Variants in LYPD6B observed in about 807,000 individuals in gnomAD.
LYPD6B encodes the protein LY6/PLAUR domain containing 6B.
LYPD6B carries 17 observed loss-of-function variants against 22.8 expected under a neutral mutation model. The observed-to-expected ratio is 0.75, with a 90% CI of 0.51 to 1.12. The LOEUF is 1.12. LYPD6B is among the 50% of genes most tolerant of loss of function. LYPD6B has a pLI of 0.00. For synonymous variants in LYPD6B, 106 were observed against 91.6 expected (o/e 1.16, Z -0.90); for missense variants, 221 against 258.3 (o/e 0.86, Z 0.99).
At chr2:149,068,502 T>TATA (rs1281795249) in intron 1 of LYPD6B, 1 of 249,906 alleles carries the variant, frequency 4.0e-6, no homozygotes, top group Admixed American at 4.7e-5. Flanking sequence ...GGCAGTTGGG[T>TATA]ATATAGTCTC....
intron 1 of LYPD6B, among the ~76,000 whole-genome samples, chr2:149,115,301 A>G (rs1010868360): frequency 1.3e-5 from 2 of 152,178 alleles, no homozygotes; most frequent in African/African-American, 4.8e-5. Context: ...TGATGCTTCA[A>G]TTGCCACATC....
intron 2 of LYPD6B, among the ~76,000 whole-genome samples, chr2:149,140,017 G>GT: frequency 6.6e-6 from 1 of 152,246 alleles, no homozygotes; most frequent in East Asian, 1.9e-4. Context: ...TTGTTGTTGT[G>GT]TGGGGGTGGA....
chr2:149,055,761 A>T, intron 1 of LYPD6B, among the ~76,000 whole-genome samples: 1 of 152,158 alleles, frequency 6.6e-6, no homozygotes, highest in East Asian at 1.9e-4. Flanking sequence ...TAACTCTAAC[A>T]GTTTGCTGGT....
chr2:149,085,943 CAAG>C (rs1344440738), intron 1 of LYPD6B, among the ~76,000 whole-genome samples: 6 of 152,194 alleles, frequency 3.9e-5, no homozygotes, highest in South Asian at 4.1e-4. Context: ...GGATTACCTG[CAAG>C]AAGAAGTTAG....
chr2:149,141,885 G>C (rs75717792), intron 2 of LYPD6B, among the ~76,000 whole-genome samples: 1 of 152,206 alleles, frequency 6.6e-6, no homozygotes, highest in Non-Finnish European at 1.5e-5. Context: ...CTGGTGGCTT[G>C]CTTGCAGTCT....
intron 2 of LYPD6B, among the ~76,000 whole-genome samples, chr2:149,147,093 C>G (rs1188687311): frequency 1.3e-5 from 2 of 152,142 alleles, no homozygotes. Flanking sequence ...CTCAGCGGTT[C>G]CCAGAGCGTT....
intron 1 of LYPD6B, among the ~76,000 whole-genome samples, chr2:149,113,949 A>G (rs1194540864): frequency 6.6e-6 from 1 of 152,180 alleles, no homozygotes; most frequent in Non-Finnish European, 1.5e-5. Flanking sequence ...CATTTCTAAG[A>G]TGGAATATTA....
rs1694094935 is a variant in LYPD6B at position 149,214,864 on chromosome 2, T to C, written c.*154T>C. 2 of 788,698 alleles carry C rather than the reference T, an allele frequency of 2.5e-6. No homozygotes were observed. Among genetic ancestry groups the C allele is most frequent in the Non-Finnish European group, 4.2e-6 (2 of 477,326 alleles). 48.9% of individuals were successfully genotyped at this position (788,698 alleles called of 1,614,324 possible). A position where few individuals can be genotyped will look rare whatever the true frequency, so the allele number is the denominator to read the frequency against. The stretch of plus-strand genomic sequence containing the variant: ...AAGCCAGTGGTTTGCTTGGATAAAA[T>C]GTTCCCGCATGAGGCCACAGGACTG... On this transcript the variant is annotated 3_prime_UTR_variant, in exon 7 of 7. Transcript: ENST00000409642.
At chr2:149,212,140 G>A (rs572755416) in intron 5 of LYPD6B, among the ~76,000 whole-genome samples, 73 of 152,060 alleles carry the variant, frequency 4.8e-4, no homozygotes, top group Non-Finnish European at 8.4e-4. Context: ...CACTTTGGGA[G>A]GCCGAGGCGG....
chr2:149,153,788 A>G (rs1482910515), intron 2 of LYPD6B, among the ~76,000 whole-genome samples: 3 of 152,076 alleles, frequency 2.0e-5, no homozygotes, highest in Non-Finnish European at 4.4e-5. Flanking sequence ...GAAAAAAAAA[A>G]AAGAAGAAGT....
intron 3 of LYPD6B, among the ~76,000 whole-genome samples, chr2:149,175,061 C>CTCTCTCTGTGTG (rs1454802925): frequency 0.014 from 1,594 of 112,774 alleles, 28 homozygotes; most frequent in East Asian, 0.023. Context: ...CTCTCTCTCT[C>CTCTCTCTGTGTG]TGTGTGTGTG....
At chr2:149,197,461 G>A (rs946596849) in intron 3 of LYPD6B, among the ~76,000 whole-genome samples, 8 of 152,190 alleles carry the variant, frequency 5.3e-5, no homozygotes, top group South Asian at 2.1e-4. Flanking sequence ...GCAGTGAGCC[G>A]AGATCGCACC....
At chr2:149,188,244 C>T (rs1454105081) in intron 3 of LYPD6B, among the ~76,000 whole-genome samples, 1 of 152,054 alleles carries the variant, frequency 6.6e-6, no homozygotes. Context: ...AATTTAATAT[C>T]CCCCCTGTGA....
At chr2:149,040,700 A>T (rs547154051) in intron 1 of LYPD6B, among the ~76,000 whole-genome samples, 1 of 152,196 alleles carries the variant, frequency 6.6e-6, no homozygotes, top group African/African-American at 2.4e-5. Flanking sequence ...GAAGTCTGAC[A>T]AAACAGGACA....
chr2:149,127,607 G>A (rs914772392), intron 1 of LYPD6B, among the ~76,000 whole-genome samples: 2 of 151,976 alleles, frequency 1.3e-5, no homozygotes, highest in African/African-American at 4.8e-5. Flanking sequence ...TTGTATATAT[G>A]TATGCATGTG....
At chr2:149,172,519 C>T (rs1690909653) in intron 3 of LYPD6B, among the ~76,000 whole-genome samples, 1 of 152,104 alleles carries the variant, frequency 6.6e-6, no homozygotes, top group Non-Finnish European at 1.5e-5. Context: ...GAGATTATGC[C>T]TTGTTCAGTG....
chr2:149,198,027 GCTTTTCTTTTTTTTTTTTT>G (rs1692927149), intron 3 of LYPD6B, among the ~76,000 whole-genome samples: 1 of 148,220 alleles, frequency 6.7e-6, no homozygotes, highest in Admixed American at 6.8e-5. Flanking sequence ...AAACATCTAA[GCTTTTCTTTTTTTTTTTTT>G]CTTTTCTTTT....
intron 3 of LYPD6B, among the ~76,000 whole-genome samples, chr2:149,191,459 C>T (rs957632398): frequency 6.6e-6 from 1 of 152,134 alleles, no homozygotes; most frequent in African/African-American, 2.4e-5. Flanking sequence ...CCCTGCTTCA[C>T]TAGATTATGT....
intron 2 of LYPD6B, among the ~76,000 whole-genome samples, chr2:149,145,467 G>C (rs1688962268): frequency 6.6e-6 from 1 of 152,220 alleles, no homozygotes; most frequent in African/African-American, 2.4e-5. Flanking sequence ...AGACACAGGG[G>C]AAGATACGGT....
Sources: allele counts gnomAD v4.1 joint callset (sites outside exome capture counted in the v4.1 genomes callset), GRCh38; gene constraint gnomAD v4.1.1; transcripts MANE v1.5; gene names NCBI Gene and HGNC (gene_info 2026-07-23, HGNC 2026-07-21).